The following ABLIM2 variants were observed in gnomAD, a reference collection of about 807,000 sequenced individuals.
ABLIM2 encodes the protein actin-binding LIM protein 2.
A neutral mutation model predicts 97.7 loss-of-function variants in ABLIM2; 53 were observed. The ratio of observed to expected loss-of-function variants is 0.54; its 90% CI spans 0.44 to 0.68. The LOEUF (loss-of-function observed/expected upper bound fraction) is 0.68. Ranked by LOEUF, ABLIM2 falls within the 30% of genes least tolerant of loss-of-function variation. The pLI, the probability that ABLIM2 is intolerant of heterozygous loss-of-function variation, is 0.00. For synonymous variants in ABLIM2, 361 were observed against 345.8 expected, an observed-to-expected ratio of 1.04 and a Z score of -0.49; for missense variants, 835 against 867.2, an observed-to-expected ratio of 0.96 and a Z score of 0.47.
chr4:7,974,406 T>TCTATCCACCCAC (rs1731087600), intron 20 of ABLIM2, among the ~76,000 whole-genome samples: 1 of 134,000 alleles, frequency 7.5e-6, no homozygotes. Context: ...CATCCACCCA[T>TCTATCCACCCAC]CCATCCACCA....
chr4:8,097,890 C>T (rs950272547), intron 2 of ABLIM2, among the ~76,000 whole-genome samples: 1 of 152,084 alleles, frequency 6.6e-6, no homozygotes, highest in Non-Finnish European at 1.5e-5. Flanking sequence ...GAGGAGAGAG[C>T]CTGTGGACTC....
chr4:8,142,896 T>C (rs930889372), intron 1 of ABLIM2, among the ~76,000 whole-genome samples: 3 of 152,158 alleles, frequency 2.0e-5, no homozygotes, highest in Non-Finnish European at 4.4e-5. Flanking sequence ...ACCTCAGGTC[T>C]GGGGAAGGTG....
At chr4:8,158,392 C>T (rs1434588038) in intron 1 of ABLIM2, among the ~76,000 whole-genome samples, 1 of 152,186 alleles carries the variant, frequency 6.6e-6, no homozygotes, top group Non-Finnish European at 1.5e-5. Flanking sequence ...ACCCGGACCC[C>T]CGTGAGAAGC....
intron 18 of ABLIM2, among the ~76,000 whole-genome samples, chr4:7,983,850 G>C (rs1741090618): frequency 6.6e-6 from 1 of 152,226 alleles, no homozygotes; most frequent in Non-Finnish European, 1.5e-5. Context: ...CTGGTGGTCT[G>C]GGCCACCCTG....
At chr4:7,997,519 C>T (rs1754112187) in intron 16 of ABLIM2, among the ~76,000 whole-genome samples, 1 of 152,092 alleles carries the variant, frequency 6.6e-6, no homozygotes, top group African/African-American at 2.4e-5. Flanking sequence ...ATAATTTCTG[C>T]TCTGTCTTCA....
intron 1 of ABLIM2, among the ~76,000 whole-genome samples, chr4:8,114,868 G>A (rs1262695316): frequency 6.6e-6 from 1 of 152,226 alleles, no homozygotes. Flanking sequence ...TGGTGCCAGT[G>A]CTGTGGGACC....
rs1452444553 is a variant in ABLIM2 at position 8,097,281 on chromosome 4, T to C, written c.156A>G (p.Ala52=). Residue 52 remains alanine (A), a splice_region_variant and synonymous_variant, in exon 3 of 21, where the codon GCA becomes GCG. Transcript: ENST00000447017. ...YFHIKCFVCK[A]CGCDLAEGGF... is the part of the protein sequence containing the mutation. ...CGCCCTCGGCCAGGTCGCAGCCACA[T>C]GCTGGGGGAGGACGGGCGAGGTGGC... 9 of 1,559,338 alleles carry C rather than the reference T, an allele frequency of 5.8e-6. No homozygotes were observed. Among genetic ancestry groups the C allele is most frequent in the Non-Finnish European group, 7.8e-6 (9 of 1,152,508 alleles).
intron 8 of ABLIM2, among the ~76,000 whole-genome samples, chr4:8,048,524 G>T (rs1219726756): frequency 6.6e-6 from 1 of 152,140 alleles, no homozygotes; most frequent in African/African-American, 2.4e-5. Context: ...CTTGCACCAG[G>T]TCACACAGCT....
Position 8,022,932 on chromosome 4 carries a change from TCCTC to T in ABLIM2, c.1268-2633_1268-2630del, listed in dbSNP as rs201752583. On this transcript the variant is annotated intron_variant, in intron 12 of 20. Transcript: ENST00000447017. The surrounding 1 kb of genome is among the most constrained non-coding windows in gnomAD (Gnocchi z 7.8). ...TTCTTCCTCCTCCACTTTTTCCTCTTCCTCCTCCTCCTCCTCTTCTTTTTCCTCT... is the reference window on the plus strand; with the variant it reads ...TTCTTCCTCCTCCACTTTTTCCTCTTCTCCTCCTCCTCTTCTTTTTCCTCT... The T allele has an allele frequency of 0.016, 2,527 of 153,610 alleles. 38 individuals carry two copies. The highest frequency in any genetic ancestry group is 0.023 in the Non-Finnish European group (1,566 of 69,134). 9.5% of individuals were successfully genotyped at this position (153,610 alleles called of 1,614,324 possible). A position where few individuals can be genotyped will look rare whatever the true frequency, so the allele number is the denominator to read the frequency against.
chr4:8,040,565 C>T (rs57627600), intron 9 of ABLIM2, among the ~76,000 whole-genome samples: 26,197 of 150,682 alleles, frequency 0.17, 2,557 homozygotes, highest in Middle Eastern at 0.29. Flanking sequence ...GAGCCAAGAT[C>T]GTGCCACTGC....
rs187430497 is a variant in ABLIM2, at chr4:8,034,151, C to T, written c.1047+1998G>A. Among the ~76,000 whole-genome samples the T allele has an allele frequency of 3.5e-4, 53 of 152,306 alleles. 1 individual carries two copies. Among genetic ancestry groups the T allele is most frequent in the Admixed American group, 2.4e-3 (36 of 15,304 alleles). On this transcript the variant is annotated intron_variant, in intron 10 of 20. Coordinates refer to ENST00000447017, the MANE Select transcript of ABLIM2 (RefSeq NM_001130083.2). ...TTGGGTCTTAGCCCTGTGGCCGAGA[C>T]GCGAGTCCTCACGGACTCTCTTCCA...
intron 7 of ABLIM2, 42 bp downstream of exon 7, chr4:8,060,925 T>A (rs1802585478): frequency 6.6e-7 from 1 of 1,508,764 alleles, no homozygotes; most frequent in Non-Finnish European, 9.0e-7. Context: ...AAGAGGGTAG[T>A]TCCTTGCTCT....
chr4:8,020,445 G>C, intron 12 of ABLIM2, 142 bp from the exon 13 acceptor site: 1 of 770,806 alleles, frequency 1.3e-6, no homozygotes, highest in African/African-American at 1.7e-5. Flanking sequence ...CCCAGGGGAA[G>C]GAGTGTGGGC....
Position 7,984,714 on chromosome 4 carries a change from T to A in ABLIM2, c.1735+125A>T, listed in dbSNP as rs147561870. 1.0e-4 allele frequency: 106 copies of A among 1,054,220 alleles called. No homozygotes were observed. In the African/African-American group the frequency reaches 1.5e-3, roughly 15 times the overall value. The allele number at this position is 1,054,220 out of a possible 1,614,324, so 65.3% of individuals were successfully genotyped here. A position where few individuals can be genotyped will look rare whatever the true frequency, so the allele number is the denominator to read the frequency against. ...AACCAGCACGCCCTCCCCCGAGGTG[T>A]CCCCGCCCGGCACTCCCGGAGCCTT... On this transcript the variant is annotated intron_variant, in intron 18 of 20. Coordinates refer to ENST00000447017, the MANE Select transcript of ABLIM2 (RefSeq NM_001130083.2).
intron 9 of ABLIM2, among the ~76,000 whole-genome samples, chr4:8,041,098 C>T (rs761240394): frequency 3.9e-5 from 6 of 152,166 alleles, no homozygotes; most frequent in South Asian, 2.1e-4. Flanking sequence ...CCTACTTGGC[C>T]GAGCAGGAAG....
intron 2 of ABLIM2, among the ~76,000 whole-genome samples, chr4:8,101,318 G>C (rs1167484344): frequency 6.6e-6 from 1 of 152,218 alleles, no homozygotes; most frequent in African/African-American, 2.4e-5. Context: ...TCACAACTCT[G>C]CCATGTGATC....
chr4:8,023,171 G>A lies in ABLIM2; in HGVS notation c.1268-2868C>T, dbSNP rs1308057703. The A allele has an allele frequency of 5.3e-5, 8 of 152,280 alleles. No homozygotes were observed. The East Asian group carries it at 5.8e-4, about 11-fold the overall frequency. The allele number at this position is 152,280 out of a possible 1,614,324, so 9.4% of individuals were successfully genotyped here. On this transcript the variant is annotated intron_variant, in intron 12 of 20. Coordinates refer to ENST00000447017, the MANE Select transcript of ABLIM2 (RefSeq NM_001130083.2). The surrounding 1 kb of genome is among the most constrained non-coding windows in gnomAD (Gnocchi z 5.7). ...GGGGGCTCCCGCACCCTCCCGGCCC[G>A]CGTCCCTGCCGTCCCCTCTCCCATC...
Position 8,006,878 on chromosome 4 carries a change from G to GC in ABLIM2, c.1618+1180_1618+1181insG, listed in dbSNP as rs1560559530. The GC allele has an allele frequency of 2.3e-5, 6 of 256,736 alleles. No homozygotes were observed. In the Admixed American group the frequency reaches 3.6e-4, roughly 15 times the overall value. 15.9% of individuals were successfully genotyped at this position (256,736 alleles called of 1,614,324 possible). A position where few individuals can be genotyped will look rare whatever the true frequency, so the allele number is the denominator to read the frequency against. ...CCTCTCCCTCTGGGGGATTTTTGCA[G>GC]GGGGGGGGTGGCTTTCCCATGGTGA... On this transcript the variant is annotated intron_variant, in intron 16 of 20. Coordinates refer to ENST00000447017, the MANE Select transcript of ABLIM2 (RefSeq NM_001130083.2).
chr4:8,031,247 A>G (rs1177458419), intron 10 of ABLIM2, among the ~76,000 whole-genome samples: 1 of 152,108 alleles, frequency 6.6e-6, no homozygotes, highest in Non-Finnish European at 1.5e-5. Context: ...AGTGTGCATG[A>G]TTTTGTGCCC....
Sources: allele counts gnomAD v4.1 joint callset (sites outside exome capture counted in the v4.1 genomes callset), GRCh38; gene constraint gnomAD v4.1.1; non-coding constraint Gnocchi (gnomAD v3.1); transcripts MANE v1.5; gene names NCBI Gene and HGNC (gene_info 2026-07-23, HGNC 2026-07-21).